Variants in HTRA3 observed in about 807,000 individuals in gnomAD.
The protein encoded by HTRA3 is HtrA serine peptidase 3.
A neutral mutation model predicts 43.2 loss-of-function variants in HTRA3; 41 were observed. That is an observed-to-expected ratio of 0.95 (90% CI 0.74 to 1.23). The LOEUF is 1.23. Ranked by LOEUF, HTRA3 falls within the 50% of genes most tolerant of loss-of-function variation. HTRA3 has a pLI of 0.00. For missense variants in HTRA3, 628 were observed against 647.1 expected (o/e 0.97, Z 0.32); for synonymous variants, 295 against 287.9 (o/e 1.02, Z -0.25).
intron 2 of HTRA3, among the ~76,000 whole-genome samples, chr4:8,283,077 G>C (rs370502873): frequency 6.6e-6 from 1 of 152,210 alleles, no homozygotes; most frequent in Non-Finnish European, 1.5e-5. Flanking sequence ...TGGCCGGAGC[G>C]GGGAGGAATG....
chr4:8,302,553 T>G (rs756608600), intron 7 of HTRA3, 42 bp downstream of exon 7: 2 of 1,596,676 alleles, frequency 1.3e-6, no homozygotes, highest in Non-Finnish European at 8.6e-7. Context: ...CCCCTTCCTC[T>G]CATCCCTCAC....
chr4:8,303,292 C>A (rs766540356), intron 7 of HTRA3, among the ~76,000 whole-genome samples: 5 of 152,242 alleles, frequency 3.3e-5, no homozygotes, highest in Non-Finnish European at 7.3e-5. Context: ...CCCACCCCAT[C>A]CTGCCTCCTC....
intron 6 of HTRA3, among the ~76,000 whole-genome samples, chr4:8,299,137 A>G (rs1261172465): frequency 6.6e-6 from 1 of 152,060 alleles, no homozygotes; most frequent in African/African-American, 2.4e-5. Flanking sequence ...CTCTCCATTT[A>G]TTTATATCTT....
chr4:8,272,359 C>T (rs144521783), intron 1 of HTRA3, among the ~76,000 whole-genome samples: 1 of 151,690 alleles, frequency 6.6e-6, no homozygotes, highest in Non-Finnish European at 1.5e-5. Context: ...TCCCCAGAGA[C>T]AGGTGCATGG....
Position 8,306,794 on chromosome 4 carries a change from T to C in HTRA3, c.*658T>C, listed in dbSNP as rs1031780018. On this transcript the variant is annotated 3_prime_UTR_variant, in exon 9 of 9. Transcript: ENST00000307358. The surrounding 1 kb of genome is among the most constrained non-coding windows in gnomAD (Gnocchi z 8.9). ...AGGCCGCGGGGAGCACGTGGAAAGT[T>C]GGCTGCTGCCTGGGGAAGCTTCTCC... 2.0e-5 allele frequency: 3 copies of C among 152,634 alleles called. No homozygotes were observed. The highest frequency in any genetic ancestry group is 7.2e-5 in the African/African-American group (3 of 41,452). 9.5% of individuals were successfully genotyped at this position (152,634 alleles called of 1,614,324 possible).
intron 6 of HTRA3, among the ~76,000 whole-genome samples, chr4:8,300,494 C>G (rs1195745171): frequency 6.6e-6 from 1 of 152,070 alleles, no homozygotes; most frequent in Admixed American, 6.5e-5. Flanking sequence ...CTTCTTTTGT[C>G]TAAGTGATTA....
Position 8,295,886 on chromosome 4 carries a change from C to T in HTRA3, c.1051+1685C>T. The T allele has an allele frequency of 2.4e-6, 3 of 1,235,236 alleles. No individual in the cohort carries two copies. Among genetic ancestry groups the T allele is most frequent in the Non-Finnish European group, 3.0e-6 (3 of 988,902 alleles). The allele number at this position is 1,235,236 out of a possible 1,614,324, so 76.5% of individuals were successfully genotyped here. A position where few individuals can be genotyped will look rare whatever the true frequency, so the allele number is the denominator to read the frequency against. On this transcript the variant is annotated intron_variant, in intron 6 of 8. Coordinates refer to ENST00000307358, the MANE Select transcript of HTRA3 (RefSeq NM_053044.5). This position sits in a 1 kb window ranked among gnomAD's most constrained non-coding sequence, Gnocchi z 6.9. ...CCATTATGGGAAGACAATCTGGAGC[C>T]AGGCAGAGCCTGTCTTTCCCAAAGA...
Position 8,282,420 on chromosome 4 carries a change from C to G in HTRA3, c.386-17C>G. The G allele has an allele frequency of 6.2e-7, 1 of 1,602,424 alleles. No individual in the cohort carries two copies. Among genetic ancestry groups the G allele is most frequent in the Non-Finnish European group, 8.5e-7 (1 of 1,172,420 alleles). On this transcript the variant is annotated splice_polypyrimidine_tract_variant and intron_variant, in intron 1 of 8. Transcript: ENST00000307358. The stretch of plus-strand genomic sequence containing the variant: ...TCGTGATCTCACTGATGCACCTGGC[C>G]CTTCCCGCCAGCGCAGGTCTCCACC...
intron 1 of HTRA3, 70 bp downstream of exon 1, chr4:8,270,423 G>A: frequency 7.4e-7 from 1 of 1,349,752 alleles, no homozygotes; most frequent in Non-Finnish European, 9.5e-7. Flanking sequence ...GGGAGTTAGG[G>A]CCGAGCTCGA....
In HTRA3 at chr4:8,295,727, G is replaced by A. The variant is rs1428057828; in HGVS notation, c.1051+1526G>A. ...ACTGGCAGTTCATTGAGAGCAGGGG[G>A]CTTCCTCACGTTTCCCCCTCCTCCA... On this transcript the variant is annotated intron_variant, in intron 6 of 8. Coordinates refer to ENST00000307358, the MANE Select transcript of HTRA3 (RefSeq NM_053044.5). The surrounding 1 kb of genome is among the most constrained non-coding windows in gnomAD (Gnocchi z 6.9). 3.7e-6 allele frequency: 5 copies of A among 1,366,466 alleles called. No homozygotes were observed. Among genetic ancestry groups the A allele is most frequent in the Middle Eastern group, 1.9e-4 (1 of 5,340 alleles). 84.6% of individuals were successfully genotyped at this position (1,366,466 alleles called of 1,614,324 possible).
At chr4:8,290,315 A>G (rs1435736775) in intron 3 of HTRA3, among the ~76,000 whole-genome samples, 1 of 152,254 alleles carries the variant, frequency 6.6e-6, no homozygotes, top group East Asian at 1.9e-4. Flanking sequence ...TTCTTATTTG[A>G]CATGATGGTG....
chr4:8,296,615 T>A lies in HTRA3; in HGVS notation c.1051+2414T>A, dbSNP rs994951243. ...CAGGGTAAAGAGTGGCCACCATGCA[T>A]GTTGGGGGAGCCCCAGGAGGGCTTG... On this transcript the variant is annotated intron_variant, in intron 6 of 8. Coordinates refer to ENST00000307358, the MANE Select transcript of HTRA3 (RefSeq NM_053044.5). This position sits in a 1 kb window ranked among gnomAD's most constrained non-coding sequence, Gnocchi z 5.3. 1.2e-6 allele frequency: 1 copy of A among 810,478 alleles called. No individual in the cohort carries two copies. The highest frequency in any genetic ancestry group is 1.9e-5 in the African/African-American group (1 of 53,386). 50.2% of individuals were successfully genotyped at this position (810,478 alleles called of 1,614,324 possible). A position where few individuals can be genotyped will look rare whatever the true frequency, so the allele number is the denominator to read the frequency against.
intron 1 of HTRA3, among the ~76,000 whole-genome samples, chr4:8,274,153 C>T (rs1338442217): frequency 2.0e-5 from 3 of 152,254 alleles, no homozygotes; most frequent in Admixed American, 1.3e-4. Context: ...TCGGTGCCGT[C>T]TCCCACTGTC....
In HTRA3 at chr4:8,295,543, C is replaced by T. The variant is rs1040281635; in HGVS notation, c.1051+1342C>T. On this transcript the variant is annotated intron_variant, in intron 6 of 8. Coordinates refer to ENST00000307358, the MANE Select transcript of HTRA3 (RefSeq NM_053044.5). This position sits in a 1 kb window ranked among gnomAD's most constrained non-coding sequence, Gnocchi z 6.9. The stretch of plus-strand genomic sequence containing the variant: ...CAGGGCCATGCTTCCAATCGCAGGG[C>T]CTTTCCTGGGGGCCTCTCCCTCCCC... 6.6e-6 allele frequency among the ~76,000 whole-genome samples: 1 copy of T among 152,232 alleles called. No individual in the cohort carries two copies. The highest frequency in any genetic ancestry group is 2.4e-5 in the African/African-American group (1 of 41,460).
intron 2 of HTRA3, among the ~76,000 whole-genome samples, chr4:8,284,470 T>C (rs1221408373): frequency 6.6e-6 from 1 of 152,150 alleles, no homozygotes; most frequent in South Asian, 2.1e-4. Context: ...CCAGCAAAGA[T>C]GAGACAGATG....
At chr4:8,288,928 T>C (rs1560138845) in intron 3 of HTRA3, among the ~76,000 whole-genome samples, 2 of 143,370 alleles carry the variant, frequency 1.4e-5, no homozygotes, top group East Asian at 4.2e-4. Context: ...CTTCCTTCCT[T>C]CCTTCCTCCC....
intron 6 of HTRA3, among the ~76,000 whole-genome samples, chr4:8,298,800 A>C (rs1463961186): frequency 6.6e-6 from 1 of 152,216 alleles, no homozygotes; most frequent in Admixed American, 6.5e-5. Flanking sequence ...ACCGTTGTCC[A>C]AAAGAGAATG....
At chr4:8,285,122 C>G (rs746247670) in intron 2 of HTRA3, among the ~76,000 whole-genome samples, 81 of 152,272 alleles carry the variant, frequency 5.3e-4, no homozygotes, top group Non-Finnish European at 1.0e-3. Flanking sequence ...TGGCCTTCCC[C>G]TCTGTGAGAC....
rs1578782182 is a variant in HTRA3 at position 8,269,908 on chromosome 4, G to A, written c.-61G>A. On this transcript the variant is annotated 5_prime_UTR_variant, in exon 1 of 9. Transcript: ENST00000307358. ...CGGCGCCCGGCCCCGCAGCGGCCTC[G>A]TTGTCCCCGCCGGCCCCCGCCCGGT... The A allele has an allele frequency of 1.9e-5, 16 of 861,462 alleles. No individual in the cohort carries two copies. Among genetic ancestry groups the A allele is most frequent in the South Asian group, 5.1e-5 (1 of 19,502 alleles). The allele number at this position is 861,462 out of a possible 1,614,324, so 53.4% of individuals were successfully genotyped here.
Sources: allele counts gnomAD v4.1 joint callset (sites outside exome capture counted in the v4.1 genomes callset), GRCh38; gene constraint gnomAD v4.1.1; non-coding constraint Gnocchi (gnomAD v3.1); transcripts MANE v1.5; gene names NCBI Gene and HGNC (gene_info 2026-07-23, HGNC 2026-07-21).